The following TRABD2B variants were observed in gnomAD, a reference collection of about 807,000 sequenced individuals.
TRABD2B encodes metalloprotease TIKI2.
TRABD2B carries 14 observed loss-of-function variants against 40.1 expected under a neutral mutation model. The observed-to-expected ratio is 0.35, with a 90% CI of 0.23 to 0.55. The LOEUF is 0.55. TRABD2B is among the 20% of genes least tolerant of loss of function. TRABD2B has a pLI of 0.90. For synonymous variants in TRABD2B, 263 were observed against 277.0 expected (o/e 0.95, Z 0.50); for missense variants, 541 against 648.6 (o/e 0.83, Z 1.80).
In TRABD2B at chr1:47,942,731, T is replaced by A. The variant is rs569436077; in HGVS notation, c.666+51303A>T. Among the ~76,000 whole-genome samples the A allele has an allele frequency of 1.4e-4, 22 of 152,338 alleles. No individual in the cohort carries two copies. The South Asian group carries it at 4.6e-3, about 32-fold the overall frequency. ...TCTTTATGCATATTAATTTATTTGA[T>A]GCTTGTAACAACCTAGGAGGCAGAT... On this transcript the variant is annotated intron_variant, in intron 2 of 6. Transcript: ENST00000606738.
intron 2 of TRABD2B, among the ~76,000 whole-genome samples, chr1:47,851,439 T>G (rs1645548389): frequency 6.6e-6 from 1 of 152,034 alleles, no homozygotes; most frequent in Non-Finnish European, 1.5e-5. Context: ...CGGGGTGGTG[T>G]GTGTAGTCAC....
intron 4 of TRABD2B, among the ~76,000 whole-genome samples, chr1:47,787,420 T>C (rs1219012531): frequency 6.6e-6 from 1 of 152,176 alleles, no homozygotes; most frequent in Non-Finnish European, 1.5e-5. Context: ...CAGAATCCCC[T>C]TTCTACCCTC....
chr1:47,901,558 T>G (rs1644599664), intron 2 of TRABD2B, among the ~76,000 whole-genome samples: 1 of 152,094 alleles, frequency 6.6e-6, no homozygotes, highest in Admixed American at 6.5e-5. Flanking sequence ...AGCCTCCACC[T>G]CCCTGACTTA....
intron 5 of TRABD2B, among the ~76,000 whole-genome samples, chr1:47,778,173 T>G (rs1644473198): frequency 6.6e-6 from 1 of 152,034 alleles, no homozygotes; most frequent in South Asian, 2.1e-4. Flanking sequence ...TTCTACTGAG[T>G]CCCTCTACCC....
At chr1:47,912,541 A>T (rs1644776696) in intron 2 of TRABD2B, among the ~76,000 whole-genome samples, 1 of 152,224 alleles carries the variant, frequency 6.6e-6, no homozygotes, top group African/African-American at 2.4e-5. Context: ...GGATTTCCCA[A>T]AAATGTGCTG....
intron 2 of TRABD2B, among the ~76,000 whole-genome samples, chr1:47,988,007 G>C (rs1645945695): frequency 6.6e-6 from 1 of 152,150 alleles, no homozygotes; most frequent in African/African-American, 2.4e-5. Flanking sequence ...AGGTCCTCCA[G>C]GGGTGTCTGG....
chr1:47,871,993 A>T (rs6659301), intron 2 of TRABD2B, among the ~76,000 whole-genome samples: 1 of 152,150 alleles, frequency 6.6e-6, no homozygotes. Flanking sequence ...GTCATCTTGC[A>T]TCTGCTCTGG....
chr1:47,876,236 A>T (rs1644223876), intron 2 of TRABD2B, among the ~76,000 whole-genome samples: 1 of 152,192 alleles, frequency 6.6e-6, no homozygotes, highest in African/African-American at 2.4e-5. Context: ...TAACCCTGAG[A>T]TCACAGGGCT....
At chr1:47,818,446 T>C (rs1157406828) in intron 2 of TRABD2B, 3 of 152,276 alleles carry the variant, frequency 2.0e-5, no homozygotes, top group African/African-American at 2.4e-5. Flanking sequence ...TGTCCAATGC[T>C]CTTGGGGCAC....
At chr1:47,822,907 G>A (rs144580330) in intron 2 of TRABD2B, among the ~76,000 whole-genome samples, 48 of 152,352 alleles carry the variant, frequency 3.2e-4, no homozygotes, top group Non-Finnish European at 5.4e-4. Flanking sequence ...GTCATCCAGA[G>A]AGAGTGCCAC....
chr1:47,902,398 C>T (rs1295340163), intron 2 of TRABD2B, among the ~76,000 whole-genome samples: 1 of 152,108 alleles, frequency 6.6e-6, no homozygotes, highest in Non-Finnish European at 1.5e-5. Context: ...AGAGAAGAAC[C>T]GAGACCCACG....
intron 2 of TRABD2B, among the ~76,000 whole-genome samples, chr1:47,874,480 G>C (rs1345975849): frequency 2.7e-5 from 4 of 149,150 alleles, no homozygotes; most frequent in African/African-American, 9.8e-5. Flanking sequence ...CACCTTGTTA[G>C]CCAGGATGGT....
intron 2 of TRABD2B, chr1:47,818,481 A>G (rs978015573): frequency 6.6e-6 from 1 of 152,228 alleles, no homozygotes; most frequent in African/African-American, 2.4e-5. Flanking sequence ...ACGGACTTCA[A>G]TATCTTCCCT....
intron 2 of TRABD2B, among the ~76,000 whole-genome samples, chr1:47,971,440 ATC>A (rs1401531684): frequency 6.6e-6 from 1 of 152,196 alleles, no homozygotes; most frequent in Non-Finnish European, 1.5e-5. Flanking sequence ...CTTGGAAATG[ATC>A]TCTCTCGCCA....
chr1:47,863,372 T>TTATATATATACATATATATATATA (rs1553159662), intron 2 of TRABD2B, among the ~76,000 whole-genome samples: 1 of 66,496 alleles, frequency 1.5e-5, no homozygotes, highest in Non-Finnish European at 3.2e-5. Context: ...CTATATAATT[T>TTATATATATACATATATATATATA]TATATATATA....
intron 4 of TRABD2B, among the ~76,000 whole-genome samples, chr1:47,786,731 G>A (rs1479937967): frequency 6.6e-6 from 1 of 152,048 alleles, no homozygotes. Flanking sequence ...TTTTAGAGAT[G>A]AGGGTCTCAC....
At chr1:47,917,521 G>C (rs1265078184) in intron 2 of TRABD2B, among the ~76,000 whole-genome samples, 1 of 151,936 alleles carries the variant, frequency 6.6e-6, no homozygotes, top group Non-Finnish European at 1.5e-5. Flanking sequence ...AGGAGTTTGA[G>C]ACTAGCCTGG....
At chr1:47,873,439 C>G (rs1375848164) in intron 2 of TRABD2B, among the ~76,000 whole-genome samples, 1 of 152,128 alleles carries the variant, frequency 6.6e-6, no homozygotes, top group Non-Finnish European at 1.5e-5. Flanking sequence ...ATTTCTGGCT[C>G]ACTGTCTAAA....
At chr1:47,797,582 A>C (rs1644764987) in intron 3 of TRABD2B, among the ~76,000 whole-genome samples, 4 of 152,160 alleles carry the variant, frequency 2.6e-5, no homozygotes. Context: ...CAAGGACAAG[A>C]ACCCAAAAGT....
Sources: gnomAD v4.1 joint callset for allele counts (sites outside exome capture counted in the v4.1 genomes callset) on GRCh38, gnomAD v4.1.1 for gene constraint, MANE v1.5 for transcripts, NCBI Gene and HGNC (gene_info 2026-07-23, HGNC 2026-07-21) for gene names.